The following SSBP2 variants were observed in gnomAD, a reference collection of about 807,000 sequenced individuals.
The protein encoded by SSBP2 is single stranded DNA binding protein 2.
Under a neutral mutation model 61.8 loss-of-function variants are expected in SSBP2, and 17 were observed. The ratio of observed to expected loss-of-function variants is 0.28; its 90% CI spans 0.19 to 0.41. SSBP2 has a LOEUF of 0.41. Ranked by LOEUF, SSBP2 falls within the 10% of genes least tolerant of loss-of-function variation. The pLI, the probability that SSBP2 is intolerant of heterozygous loss-of-function variation, is 1.00. For missense variants in SSBP2, 310 were observed against 458.7 expected (o/e 0.68, Z 2.96); for synonymous variants, 139 against 141.3 (o/e 0.98, Z 0.12).
chr5:81,673,939 T>TA, intron 1 of SSBP2, among the ~76,000 whole-genome samples: 1 of 152,250 alleles, frequency 6.6e-6, no homozygotes, highest in Admixed American at 6.5e-5. Context: ...AGTGTAAAAA[T>TA]ACAGGTTGAA....
intron 1 of SSBP2, among the ~76,000 whole-genome samples, chr5:81,740,935 C>T (rs1307135519): frequency 6.6e-6 from 1 of 152,140 alleles, no homozygotes; most frequent in Admixed American, 6.5e-5. Context: ...CTATTGCCTC[C>T]CACCCCAACT....
intron 12 of SSBP2, among the ~76,000 whole-genome samples, chr5:81,443,747 A>G (rs950422441): frequency 6.6e-6 from 1 of 152,226 alleles, no homozygotes; most frequent in Non-Finnish European, 1.5e-5. Context: ...TACTTTTAGT[A>G]GAGATGGGGT....
At chr5:81,578,775 T>G (rs1774422159) in intron 4 of SSBP2, among the ~76,000 whole-genome samples, 1 of 151,816 alleles carries the variant, frequency 6.6e-6, no homozygotes, top group Non-Finnish European at 1.5e-5. Flanking sequence ...TTTCTATAGA[T>G]CTCTTCATTT....
At chr5:81,651,872 C>A (rs1435024569) in intron 1 of SSBP2, among the ~76,000 whole-genome samples, 1 of 152,114 alleles carries the variant, frequency 6.6e-6, no homozygotes, top group African/African-American at 2.4e-5. Flanking sequence ...CCCATGATGG[C>A]AAATTGTATC....
chr5:81,713,821 A>T (rs1754974918), intron 1 of SSBP2, among the ~76,000 whole-genome samples: 1 of 152,226 alleles, frequency 6.6e-6, no homozygotes, highest in African/African-American at 2.4e-5. Flanking sequence ...ATAATAGGTA[A>T]AGAGAAGAAA....
chr5:81,543,615 C>T (rs1771478831), intron 4 of SSBP2, among the ~76,000 whole-genome samples: 1 of 151,926 alleles, frequency 6.6e-6, no homozygotes, highest in Non-Finnish European at 1.5e-5. Flanking sequence ...TGCAATACAT[C>T]CAGGTAACAA....
chr5:81,682,842 G>GA (rs1752498445), intron 1 of SSBP2, among the ~76,000 whole-genome samples: 1 of 151,970 alleles, frequency 6.6e-6, no homozygotes. Context: ...AAGATTAACA[G>GA]AAAAAATCGC....
At chr5:81,488,035 A>AT (rs1766534595) in intron 6 of SSBP2, among the ~76,000 whole-genome samples, 2 of 17,024 alleles carry the variant, frequency 1.2e-4, no homozygotes, top group Non-Finnish European at 2.1e-4. Flanking sequence ...ATATATATAT[A>AT]TATATATATA....
At position 81,427,718 on chromosome 5, in the gene SSBP2, T is replaced by G. The variant is rs76183031; in HGVS notation, c.1056+867A>C. ...TGAATCCTGTGAAGATGAAATTCAT[T>G]TGGGTTTTGAAATCTTTTATGCTAC... On this transcript the variant is annotated intron_variant, in intron 16 of 16. Coordinates refer to ENST00000320672, the MANE Select transcript of SSBP2 (RefSeq NM_012446.5). Among the ~76,000 whole-genome samples the G allele has an allele frequency of 8.8e-4, 134 of 152,262 alleles. 2 individuals carry two copies. The East Asian group carries it at 0.021, about 24-fold the overall frequency.
chr5:81,506,209 C>A (rs896640708), intron 5 of SSBP2, among the ~76,000 whole-genome samples: 2 of 151,988 alleles, frequency 1.3e-5, no homozygotes, highest in Non-Finnish European at 2.9e-5. Flanking sequence ...CATTTAGAAT[C>A]TGTGTTCTTT....
At chr5:81,479,046 T>C (rs985398875) in intron 6 of SSBP2, among the ~76,000 whole-genome samples, 2 of 152,188 alleles carry the variant, frequency 1.3e-5, no homozygotes, top group African/African-American at 4.8e-5. Flanking sequence ...AAATTTAACT[T>C]TTTACTCATC....
chr5:81,706,968 T>C lies in SSBP2; in HGVS notation c.62+44013A>G, dbSNP rs558286722. 9.8e-5 allele frequency among the ~76,000 whole-genome samples: 15 copies of C among 152,310 alleles called. 1 individual carries two copies. In the South Asian group the frequency reaches 3.1e-3, roughly 32 times the overall value. On this transcript the variant is annotated intron_variant, in intron 1 of 16. Transcript: ENST00000320672. ...AGAGCTTAGTTCTCAGTTAATCTTA[T>C]GTATTCTCATTTAAGAAAATTTCAG...
intron 1 of SSBP2, among the ~76,000 whole-genome samples, chr5:81,740,927 A>G (rs1376337095): frequency 6.6e-6 from 1 of 152,050 alleles, no homozygotes; most frequent in Non-Finnish European, 1.5e-5. Context: ...CTTAACCTCT[A>G]TTGCCTCCCA....
chr5:81,635,860 A>G (rs1748174933), intron 3 of SSBP2, among the ~76,000 whole-genome samples: 1 of 152,220 alleles, frequency 6.6e-6, no homozygotes, highest in Non-Finnish European at 1.5e-5. Flanking sequence ...CTGGGATTAC[A>G]GGCGTGAGCC....
intron 14 of SSBP2, among the ~76,000 whole-genome samples, chr5:81,440,341 T>C (rs897298464): frequency 6.6e-6 from 1 of 152,146 alleles, no homozygotes; most frequent in African/African-American, 2.4e-5. Context: ...TAAATAACTG[T>C]GAATATGAAC....
At chr5:81,669,103 T>C (rs932706823) in intron 1 of SSBP2, among the ~76,000 whole-genome samples, 1 of 152,222 alleles carries the variant, frequency 6.6e-6, no homozygotes, top group African/African-American at 2.4e-5. Flanking sequence ...TATGGTACAC[T>C]ATTTTGCATA....
At chr5:81,691,974 A>G (rs1157095670) in intron 1 of SSBP2, among the ~76,000 whole-genome samples, 1 of 152,206 alleles carries the variant, frequency 6.6e-6, no homozygotes. Flanking sequence ...CACTTTCACC[A>G]CTGTTATTCA....
At chr5:81,730,400 A>C (rs1373728012) in intron 1 of SSBP2, among the ~76,000 whole-genome samples, 1 of 151,964 alleles carries the variant, frequency 6.6e-6, no homozygotes, top group Non-Finnish European at 1.5e-5. Context: ...AATTTTTATA[A>C]CTTTAATAAA....
intron 1 of SSBP2, among the ~76,000 whole-genome samples, chr5:81,742,187 AATTTC>A (rs1478129514): frequency 6.6e-6 from 1 of 152,224 alleles, no homozygotes; most frequent in Admixed American, 6.5e-5. Flanking sequence ...TATAAAGTAC[AATTTC>A]ATTTATATTA....
Sources: gnomAD v4.1 joint callset for allele counts (sites outside exome capture counted in the v4.1 genomes callset) on GRCh38, gnomAD v4.1.1 for gene constraint, MANE v1.5 for transcripts, NCBI Gene and HGNC (gene_info 2026-07-23, HGNC 2026-07-21) for gene names.